Variants in CNTN5 observed in about 807,000 individuals in gnomAD.
The protein encoded by CNTN5 is contactin 5, also known as contactin-5.
CNTN5 carries 77 observed loss-of-function variants against 129.1 expected under a neutral mutation model. That is an observed-to-expected ratio of 0.60 (90% CI 0.50 to 0.72). The LOEUF (loss-of-function observed/expected upper bound fraction) is 0.72. CNTN5 is among the 30% of genes least tolerant of loss of function. The pLI is 0.00. For missense variants in CNTN5, 1,478 were observed against 1,328.8 expected (o/e 1.11, Z -1.75); for synonymous variants, 509 against 465.6 (o/e 1.09, Z -1.20).
At chr11:99,495,575 A>G (rs904366195) in intron 2 of CNTN5, among the ~76,000 whole-genome samples, 5 of 152,146 alleles carry the variant, frequency 3.3e-5, no homozygotes, top group African/African-American at 1.2e-4. Context: ...TGTAAGAGAA[A>G]ATATATACCA....
chr11:100,096,570 C>A (rs1030877605), intron 13 of CNTN5, among the ~76,000 whole-genome samples: 2 of 152,054 alleles, frequency 1.3e-5, no homozygotes, highest in Admixed American at 1.3e-4. Context: ...AAATGATAAA[C>A]CCCTTGACTG....
At chr11:100,170,894 C>CAAA (rs113893520) in intron 13 of CNTN5, among the ~76,000 whole-genome samples, 1,553 of 149,930 alleles carry the variant, frequency 0.01, 31 homozygotes, top group African/African-American at 0.036. Context: ...GAAACAAAAA[C>CAAA]AAAAAAAAAA....
At chr11:99,592,491 GGAGACAC>G (rs150673158) in intron 3 of CNTN5, among the ~76,000 whole-genome samples, 2,526 of 152,198 alleles carry the variant, frequency 0.017, 61 homozygotes, top group African/African-American at 0.057. Flanking sequence ...TGATGGAGAT[GGAGACAC>G]AGCCATTTGA....
intron 6 of CNTN5, among the ~76,000 whole-genome samples, chr11:99,880,498 C>T (rs17134609): frequency 1.3e-5 from 2 of 151,758 alleles, no homozygotes; most frequent in African/African-American, 2.4e-5. Flanking sequence ...GACCAACTGG[C>T]GATTAAAATA....
intron 1 of CNTN5, among the ~76,000 whole-genome samples, chr11:99,155,432 G>A (rs537548647): frequency 1.3e-5 from 2 of 152,140 alleles, no homozygotes; most frequent in Non-Finnish European, 2.9e-5. Context: ...TACACGCTTT[G>A]CTGTTTGTAT....
chr11:99,185,520 G>A (rs891816453), intron 1 of CNTN5, among the ~76,000 whole-genome samples: 1 of 151,778 alleles, frequency 6.6e-6, no homozygotes, highest in African/African-American at 2.4e-5. Context: ...GAAGATAATT[G>A]CCTTTAGGTA....
chr11:99,284,660 T>C (rs950789264), intron 1 of CNTN5, among the ~76,000 whole-genome samples: 6 of 119,576 alleles, frequency 5.0e-5, no homozygotes, highest in Middle Eastern at 4.2e-3. Flanking sequence ...TGTGTGTGTG[T>C]GGTGTGTGTA....
At chr11:99,157,967 G>A (rs1860415392) in intron 1 of CNTN5, among the ~76,000 whole-genome samples, 1 of 152,058 alleles carries the variant, frequency 6.6e-6, no homozygotes, top group African/African-American at 2.4e-5. Flanking sequence ...GAGAAGTTAG[G>A]GAAAGCTTTC....
intron 3 of CNTN5, among the ~76,000 whole-genome samples, chr11:99,795,132 TTTTC>T (rs1283466925): frequency 6.6e-6 from 1 of 152,230 alleles, no homozygotes; most frequent in Non-Finnish European, 1.5e-5. Context: ...CTTCATTCTT[TTTTC>T]TTTATTTTTG....
Position 100,358,672 on chromosome 11 carries a change from T to C in CNTN5, c.*2452T>C, listed in dbSNP as rs561252579. On this transcript the variant is annotated 3_prime_UTR_variant, in exon 25 of 25. Transcript: ENST00000524871. ...AATATGAAGAAAGCAACAGTCCTTA[T>C]AATTAGAAATTTCATGAAAGCAAAA... 1.3e-5 allele frequency: 2 copies of C among 151,934 alleles called. No individual in the cohort carries two copies. Among genetic ancestry groups the C allele is most frequent in the South Asian group, 2.1e-4 (1 of 4,830 alleles). 9.4% of individuals were successfully genotyped at this position (151,934 alleles called of 1,614,324 possible). A position where few individuals can be genotyped will look rare whatever the true frequency, so the allele number is the denominator to read the frequency against.
chr11:99,285,592 A>AG (rs1863899361), intron 1 of CNTN5, among the ~76,000 whole-genome samples: 1 of 136,668 alleles, frequency 7.3e-6, no homozygotes, highest in Admixed American at 7.1e-5. Context: ...TTCAAGTTAA[A>AG]GAAAAAAAAA....
At chr11:99,421,723 C>A (rs2135056603) in intron 2 of CNTN5, among the ~76,000 whole-genome samples, 1 of 152,024 alleles carries the variant, frequency 6.6e-6, no homozygotes, top group Non-Finnish European at 1.5e-5. Flanking sequence ...TTTTCTTAGT[C>A]CAGTTAAGTT....
chr11:99,870,797 A>G (rs1180824321), intron 6 of CNTN5, among the ~76,000 whole-genome samples: 3 of 112,488 alleles, frequency 2.7e-5, no homozygotes, highest in Non-Finnish European at 5.6e-5. Flanking sequence ...AGTGAGTTAT[A>G]TGTTAATCTC....
At chr11:99,901,295 A>AT (rs1006508741) in intron 6 of CNTN5, among the ~76,000 whole-genome samples, 74 of 148,620 alleles carry the variant, frequency 5.0e-4, no homozygotes, top group East Asian at 1.4e-3. Context: ...TACATTTTCT[A>AT]TTTTTTTTTT....
At chr11:99,796,616 C>A (rs887732174) in intron 3 of CNTN5, among the ~76,000 whole-genome samples, 3 of 151,414 alleles carry the variant, frequency 2.0e-5, no homozygotes, top group Admixed American at 1.3e-4. Flanking sequence ...CACAGCCAGA[C>A]TGAAACTCCA....
chr11:99,826,105 G>T (rs1946947934), intron 4 of CNTN5, among the ~76,000 whole-genome samples: 1 of 152,028 alleles, frequency 6.6e-6, no homozygotes, highest in African/African-American at 2.4e-5. Context: ...ATAGATATAA[G>T]TGTATTTTAT....
At chr11:99,585,864 A>C (rs984348528) in intron 3 of CNTN5, among the ~76,000 whole-genome samples, 10 of 152,168 alleles carry the variant, frequency 6.6e-5, no homozygotes. Context: ...TATCCAAGGA[A>C]ATTACTGAAT....
At chr11:99,967,881 A>C (rs1009645960) in intron 8 of CNTN5, among the ~76,000 whole-genome samples, 1 of 152,050 alleles carries the variant, frequency 6.6e-6, no homozygotes, top group African/African-American at 2.4e-5. Context: ...CTTTCTAAAA[A>C]CTTATTTTTA....
Position 99,556,227 on chromosome 11 carries a change from T to G in CNTN5, c.13T>G (p.Trp5Gly). 1 of 1,515,356 alleles carries G rather than the reference T, an allele frequency of 6.6e-7. No individual in the cohort carries two copies. The highest frequency in any genetic ancestry group is 1.4e-5 in the African/African-American group (1 of 72,416). The allele number at this position is 1,515,356 out of a possible 1,614,324, so 93.9% of individuals were successfully genotyped here. Reference sequence around the variant, plus strand: ...CTAGTGACTGAGGATGGCTTCCTCTTGGAAACTAATGCTGTTTCTGTCAGT... The same window carrying G: ...CTAGTGACTGAGGATGGCTTCCTCTGGGAAACTAATGCTGTTTCTGTCAGT... MASS[W>G]KLMLFLSVTM... The change falls in exon 3 of 25, where the codon TGG (tryptophan) becomes GGG (glycine). Residue 5 changes from tryptophan (W) to glycine (G), a missense_variant. Physicochemically the swap from Trp to Gly is radical, Grantham distance 184. Transcript: ENST00000524871.
Sources: allele counts gnomAD v4.1 joint callset (sites outside exome capture counted in the v4.1 genomes callset), GRCh38; gene constraint gnomAD v4.1.1; transcripts MANE v1.5; gene names NCBI Gene and HGNC (gene_info 2026-07-23, HGNC 2026-07-21).